MAST2: variants seen among roughly 807,000 people sequenced by gnomAD.
MAST2 encodes the protein microtubule-associated serine/threonine-protein kinase 2.
Under a neutral mutation model 147.4 loss-of-function variants are expected in MAST2, and 70 were observed. The observed-to-expected ratio is 0.47, with a 90% CI of 0.39 to 0.58. MAST2 has a LOEUF of 0.58. Among genes scored for constraint, MAST2 ranks in the 20% least tolerant of loss-of-function variants. The pLI is 0.00. For synonymous variants in MAST2, 869 were observed against 896.8 expected (o/e 0.97, Z 0.55); for missense variants, 2,080 against 2,302.3 (o/e 0.90, Z 1.98).
At chr1:45,916,839 G>C (rs1429753910) in intron 4 of MAST2, among the ~76,000 whole-genome samples, 1 of 152,132 alleles carries the variant, frequency 6.6e-6, no homozygotes, top group Non-Finnish European at 1.5e-5. Context: ...GCACTTTTAG[G>C]AGGCCGAGGC....
chr1:45,937,119 A>G (rs1656320008), intron 4 of MAST2, among the ~76,000 whole-genome samples: 1 of 145,686 alleles, frequency 6.9e-6, no homozygotes, highest in Non-Finnish European at 1.5e-5. Context: ...TTTTCTTTCT[A>G]GAAATGAGAT....
chr1:46,032,543 C>T, intron 25 of MAST2, 53 bp from the exon 26 acceptor site: 1 of 1,605,088 alleles, frequency 6.2e-7, no homozygotes, highest in Non-Finnish European at 8.5e-7. Flanking sequence ...AGAACCAGGC[C>T]CCATACTTCG....
chr1:46,025,029 A>G (rs2149305293), intron 15 of MAST2, among the ~76,000 whole-genome samples: 1 of 152,294 alleles, frequency 6.6e-6, no homozygotes, highest in East Asian at 1.9e-4. Context: ...TTATAAAACC[A>G]TCAGATGGGC....
intron 5 of MAST2, among the ~76,000 whole-genome samples, chr1:45,980,275 CAAAAAAAAAAAAA>C (rs35235290): frequency 4.8e-5 from 4 of 84,030 alleles, no homozygotes; most frequent in African/African-American, 9.9e-5. Context: ...ACTGTGTTTC[CAAAAAAAAAAAAA>C]AAAAAAAAAG....
intron 1 of MAST2, among the ~76,000 whole-genome samples, chr1:45,816,794 C>T (rs11211197): frequency 0.45 from 67,770 of 151,978 alleles, 15,324 homozygotes; most frequent in East Asian, 0.62. Flanking sequence ...TCTCCTGGCT[C>T]AGCCTCCCAA....
intron 4 of MAST2, among the ~76,000 whole-genome samples, chr1:45,883,421 T>A (rs1646931162): frequency 6.6e-6 from 1 of 152,228 alleles, no homozygotes; most frequent in Non-Finnish European, 1.5e-5. Context: ...AAACTTATTT[T>A]GGTTTGATAT....
intron 4 of MAST2, among the ~76,000 whole-genome samples, chr1:45,955,581 A>C (rs1259019718): frequency 6.6e-6 from 1 of 152,172 alleles, no homozygotes; most frequent in African/African-American, 2.4e-5. Context: ...ATGATCGGGG[A>C]AAATTCACCC....
Position 46,032,261 on chromosome 1 carries a change from A to C in MAST2, c.3271A>C (p.Ser1091Arg), listed in dbSNP as rs939767460. 1.2e-6 allele frequency: 2 copies of C among 1,614,066 alleles called. No homozygotes were observed. The highest frequency in any genetic ancestry group is 1.7e-6 in the Non-Finnish European group (2 of 1,180,038). Residue 1091 changes from serine (S) to arginine (R), a missense_variant, in exon 25 of 29, where the codon AGC becomes CGC. Ser to Arg is a moderately radical substitution (Grantham distance 110, BLOSUM62 -1). Around this residue, in one of 4 missense-constraint regions of MAST2, gnomAD observed 1,278 missense variants for 1,304.2 expected, o/e 0.98. Coordinates refer to ENST00000361297, the MANE Select transcript of MAST2 (RefSeq NM_015112.3). ...CCCATCATCCCGGGACTCTTCTCCA[A>C]GCAGGGACTTCTTGCCAGCCCTTGG... ...SNPSSRDSSPSRDFLPALGSM... is the reference protein window; with the variant it reads ...SNPSSRDSSPRRDFLPALGSM...
At chr1:45,948,732 A>AAAAAAAAAAC (rs1658479559) in intron 4 of MAST2, among the ~76,000 whole-genome samples, 1 of 145,782 alleles carries the variant, frequency 6.9e-6, no homozygotes, top group Non-Finnish European at 1.5e-5. Context: ...AAAAAAAAAA[A>AAAAAAAAAAC]AGTCATATGG....
At chr1:45,910,792 T>G (rs1651543641) in intron 4 of MAST2, among the ~76,000 whole-genome samples, 1 of 152,228 alleles carries the variant, frequency 6.6e-6, no homozygotes, top group South Asian at 2.1e-4. Context: ...TCCTCAAATA[T>G]TTCATAATCT....
chr1:46,011,550 A>C (rs946018780), intron 10 of MAST2, among the ~76,000 whole-genome samples: 1 of 152,222 alleles, frequency 6.6e-6, no homozygotes, highest in African/African-American at 2.4e-5. Context: ...TTCCTTTGCT[A>C]TCAGCCTCTT....
At chr1:45,831,693 G>A (rs764525268) in intron 3 of MAST2, among the ~76,000 whole-genome samples, 8 of 151,686 alleles carry the variant, frequency 5.3e-5, no homozygotes, top group Non-Finnish European at 1.0e-4. Context: ...GACTAATTAC[G>A]ATACCTCATC....
intron 5 of MAST2, among the ~76,000 whole-genome samples, chr1:45,964,947 T>C (rs1660958035): frequency 6.6e-6 from 1 of 152,186 alleles, no homozygotes; most frequent in Non-Finnish European, 1.5e-5. Flanking sequence ...TCAAAGAACA[T>C]CTTTATTTCT....
intron 3 of MAST2, chr1:45,847,368 A>T: frequency 4.0e-6 from 2 of 505,706 alleles, no homozygotes; most frequent in South Asian, 3.3e-5. Flanking sequence ...TAATTTAAGT[A>T]CCTTTCAGTT....
intron 5 of MAST2, among the ~76,000 whole-genome samples, chr1:45,989,911 CTTGT>C (rs1420380527): frequency 1.3e-5 from 2 of 152,168 alleles, no homozygotes; most frequent in Non-Finnish European, 2.9e-5. Context: ...AGGTGGATAG[CTTGT>C]TTATTTTTAT....
At chr1:45,903,335 G>C in intron 4 of MAST2, among the ~76,000 whole-genome samples, 1 of 151,814 alleles carries the variant, frequency 6.6e-6, no homozygotes, top group Non-Finnish European at 1.5e-5. Context: ...TCACCATGTT[G>C]CCCAGGCTGG....
intron 15 of MAST2, among the ~76,000 whole-genome samples, chr1:46,025,290 G>C (rs1468314273): frequency 6.6e-6 from 1 of 152,066 alleles, no homozygotes; most frequent in Non-Finnish European, 1.5e-5. Context: ...CTGCACTCTA[G>C]CCTGGGTGAC....
At chr1:45,914,245 CCTT>C (rs1652115840) in intron 4 of MAST2, among the ~76,000 whole-genome samples, 1 of 152,228 alleles carries the variant, frequency 6.6e-6, no homozygotes, top group South Asian at 2.1e-4. Flanking sequence ...AGTACCTCCT[CCTT>C]TGACTAGAGA....
Position 46,032,734 on chromosome 1 carries a change from G to GCTGC in MAST2, c.3537+21_3537+24dup. ...GATCCTGAAGGTTAGTGCTGGGCGT[G>GCTGC]CTGCCTGCATGGTCCCTGAATGACC... is the stretch of plus-strand genomic sequence containing the variant. On this transcript the variant is annotated intron_variant, in intron 26 of 28. Coordinates refer to ENST00000361297, the MANE Select transcript of MAST2 (RefSeq NM_015112.3). 3 of 1,608,314 alleles carry GCTGC rather than the reference G, an allele frequency of 1.9e-6. No individual in the cohort carries two copies. Among genetic ancestry groups the GCTGC allele is most frequent in the Non-Finnish European group, 2.6e-6 (3 of 1,176,400 alleles).
Sources: allele counts gnomAD v4.1 joint callset (sites outside exome capture counted in the v4.1 genomes callset), GRCh38; gene constraint gnomAD v4.1.1; regional missense constraint gnomAD v4.1.1; transcripts MANE v1.5; gene names NCBI Gene and HGNC (gene_info 2026-07-23, HGNC 2026-07-21).